SEMA7A: variants seen among roughly 807,000 people sequenced by gnomAD.
SEMA7A encodes semaphorin 7A (JohnMiltonHagen blood group).
SEMA7A carries 21 observed loss-of-function variants against 67.5 expected under a neutral mutation model. That is an observed-to-expected ratio of 0.31 (90% CI 0.22 to 0.45). The LOEUF is 0.45. Among genes scored for constraint, SEMA7A ranks in the 20% least tolerant of loss-of-function variants. The pLI is 1.00. For missense variants in SEMA7A, 774 were observed against 908.6 expected (o/e 0.85, Z 1.90); for synonymous variants, 364 against 368.5 (o/e 0.99, Z 0.14).
At chr15:74,413,396 T>A (rs1254815432) in intron 10 of SEMA7A, among the ~76,000 whole-genome samples, 1 of 152,218 alleles carries the variant, frequency 6.6e-6, no homozygotes, top group Non-Finnish European at 1.5e-5. Flanking sequence ...TCCACTGCCC[T>A]TAGAACGAAG....
Position 74,411,781 on chromosome 15 carries a change from A to G in SEMA7A, c.1423-71T>C. On this transcript the variant is annotated intron_variant, in intron 11 of 13. Coordinates refer to ENST00000261918, the MANE Select transcript of SEMA7A (RefSeq NM_003612.5). The surrounding 1 kb of genome is among the most constrained non-coding windows in gnomAD (Gnocchi z 4.4). ...CTCAGTCCTAAATGTCCAGGCCCTA[A>G]GGCCTAGAAGCTCTTAAAAGAACAC... 6.2e-7 allele frequency: 1 copy of G among 1,602,004 alleles called. No homozygotes were observed. The highest frequency in any genetic ancestry group is 1.1e-5 in the South Asian group (1 of 90,190).
At chr15:74,427,911 C>T (rs1313358277) in intron 1 of SEMA7A, among the ~76,000 whole-genome samples, 1 of 152,252 alleles carries the variant, frequency 6.6e-6, no homozygotes, top group Non-Finnish European at 1.5e-5. Context: ...TGCCTCTCCC[C>T]CAGAGGAGCC....
chr15:74,428,483 C>T (rs2061060379), intron 1 of SEMA7A, among the ~76,000 whole-genome samples: 1 of 152,228 alleles, frequency 6.6e-6, no homozygotes, highest in Admixed American at 6.5e-5. Flanking sequence ...TCTGACATTT[C>T]TTTTCTGACA....
At chr15:74,416,086 G>T in intron 7 of SEMA7A, 101 bp from the exon 8 acceptor site, 1 of 1,274,956 alleles carries the variant, frequency 7.8e-7, no homozygotes, top group Non-Finnish European at 1.1e-6. Context: ...TGGGCCCAGA[G>T]GAGGAAGGCA....
rs762713804 is a variant in SEMA7A, at chr15:74,414,535, G to T, written c.1294+12C>A. 1.5e-5 allele frequency: 25 copies of T among 1,613,274 alleles called. No individual in the cohort carries two copies. Among genetic ancestry groups the T allele is most frequent in the Admixed American group, 1.2e-4 (7 of 59,994 alleles). The stretch of plus-strand genomic sequence containing the variant: ...TACAAAGCAAACTGAGGGTCCCGGG[G>T]TAGCCTCTCACCTGTAGTTAGGTAA... On this transcript the variant is annotated intron_variant, in intron 10 of 13. Coordinates refer to ENST00000261918, the MANE Select transcript of SEMA7A (RefSeq NM_003612.5). The surrounding 1 kb of genome is among the most constrained non-coding windows in gnomAD (Gnocchi z 4.1).
chr15:74,424,450 C>T (rs781512133), intron 1 of SEMA7A, among the ~76,000 whole-genome samples: 3 of 152,222 alleles, frequency 2.0e-5, no homozygotes, highest in African/African-American at 4.8e-5. Context: ...ACATTCTCAT[C>T]TGCTTCCACT....
In SEMA7A at chr15:74,423,152, G is replaced by A. The variant is rs28362893; in HGVS notation, c.179-4200C>T. On this transcript the variant is annotated intron_variant, in intron 1 of 13. Transcript: ENST00000261918. This position sits in a 1 kb window ranked among gnomAD's most constrained non-coding sequence, Gnocchi z 4.1. ...GAGGCCCCGGGCCAAAGAGCAGAAA[G>A]CAGGCCGACCTCAGGTTGGAGAGCC... is the stretch of plus-strand genomic sequence containing the variant. Among the ~76,000 whole-genome samples, 3,944 of 152,324 alleles carry A rather than the reference G, an allele frequency of 0.026. 174 individuals carry two copies. The highest frequency in any genetic ancestry group is 0.09 in the African/African-American group (3,754 of 41,552).
chr15:74,410,652 G>A lies in SEMA7A; in HGVS notation c.1973C>T (p.Thr658Ile), dbSNP rs1386547285. ...AASLWLGVLP[T>I]LTLGLLVH is the part of the protein sequence containing the mutation. ...GTGGACCAGCAAGCCAAGAGTGAGT[G>A]TGGGCAGCACCCCCAGCCAGAGGGA... The change falls in exon 14 of 14, where the codon ACA becomes ATA. Residue 658 changes from threonine (T) to isoleucine (I), a missense_variant. By Grantham distance (89) the Thr-to-Ile change is moderately conservative. Transcript: ENST00000261918. This position sits in a 1 kb window ranked among gnomAD's most constrained non-coding sequence, Gnocchi z 7.5. 1.2e-6 allele frequency: 2 copies of A among 1,601,806 alleles called. No homozygotes were observed. Among genetic ancestry groups the A allele is most frequent in the Non-Finnish European group, 1.7e-6 (2 of 1,172,000 alleles).
At chr15:74,422,260 T>C (rs1159005250) in intron 1 of SEMA7A, among the ~76,000 whole-genome samples, 1 of 151,982 alleles carries the variant, frequency 6.6e-6, no homozygotes, top group Admixed American at 6.6e-5. Context: ...CCCCACCTCC[T>C]GGCTCCCCCT....
In SEMA7A at chr15:74,411,875, G is replaced by A; in HGVS notation, c.1422+10C>T. The A allele has an allele frequency of 6.2e-7, 1 of 1,613,590 alleles. No homozygotes were observed. Among genetic ancestry groups the A allele is most frequent in the Non-Finnish European group, 8.5e-7 (1 of 1,179,960 alleles). ...GCATAGCCCATGGGACGCAGTGGGG[G>A]AAGGCTCACCCGCTCAGCATCCAGC... On this transcript the variant is annotated intron_variant, in intron 11 of 13. Coordinates refer to ENST00000261918, the MANE Select transcript of SEMA7A (RefSeq NM_003612.5). The surrounding 1 kb of genome is among the most constrained non-coding windows in gnomAD (Gnocchi z 4.4).
chr15:74,423,909 C>A lies in SEMA7A; in HGVS notation c.179-4957G>T, dbSNP rs368140528. ...GGTCATGGTTGCAGGTGGGTCCTGG[C>A]AACTCTCAGGCAGGGTTAGGTTCTA... On this transcript the variant is annotated intron_variant, in intron 1 of 13. Transcript: ENST00000261918. This position sits in a 1 kb window ranked among gnomAD's most constrained non-coding sequence, Gnocchi z 4.1. 4.8e-4 allele frequency among the ~76,000 whole-genome samples: 73 copies of A among 152,318 alleles called. No individual in the cohort carries two copies. Among genetic ancestry groups the A allele is most frequent in the African/African-American group, 1.7e-3 (71 of 41,568 alleles).
chr15:74,417,448 G>A lies in SEMA7A; in HGVS notation c.551-3C>T, dbSNP rs774088191. 5 of 1,612,024 alleles carry A rather than the reference G, an allele frequency of 3.1e-6. No homozygotes were observed. The African/African-American group carries it at 5.3e-5, about 17-fold the overall frequency. On this transcript the variant is annotated splice_region_variant and splice_polypyrimidine_tract_variant and intron_variant, in intron 5 of 13. Transcript: ENST00000261918. ...GATGGTGGAATACACCTCGTCCCCT[G>A]GGGTCAGTGGGAGGGAGAAATGAGT... is the stretch of plus-strand genomic sequence containing the variant.
In SEMA7A at chr15:74,417,965, C is replaced by A; in HGVS notation, c.377G>T (p.Cys126Phe). ...TKGSCLDKRD[C>F]ENYITLLERR... Reference sequence around the variant, plus strand: ...CTCCAGGAGAGTGATGTAGTTCTCGCAGTCCTGCCCGGGGAAGAGAGAAGG... The same window carrying A: ...CTCCAGGAGAGTGATGTAGTTCTCGAAGTCCTGCCCGGGGAAGAGAGAAGG... Residue 126 changes from cysteine (C) to phenylalanine (F), a missense_variant, in exon 4 of 14, where the codon TGC (cysteine) becomes TTC (phenylalanine). By Grantham distance (205) the Cys-to-Phe change is radical. Coordinates refer to ENST00000261918, the MANE Select transcript of SEMA7A (RefSeq NM_003612.5). 1 of 1,612,956 alleles carries A rather than the reference C, an allele frequency of 6.2e-7. No homozygotes were observed. Among genetic ancestry groups the A allele is most frequent in the Admixed American group, 1.7e-5 (1 of 60,024 alleles).
intron 1 of SEMA7A, chr15:74,433,509 G>C: frequency 8.5e-7 from 1 of 1,170,820 alleles, no homozygotes; most frequent in Non-Finnish European, 1.1e-6. Context: ...GACTTAGCCG[G>C]GGCTCCGGCC....
chr15:74,420,309 T>A (rs960902893), intron 1 of SEMA7A, among the ~76,000 whole-genome samples: 10 of 152,192 alleles, frequency 6.6e-5, no homozygotes, highest in Non-Finnish European at 1.5e-4. Context: ...ACCTCTTCTG[T>A]GGCCTGGCGC....
At chr15:74,419,082 T>G in intron 1 of SEMA7A, 130 bp from the exon 2 acceptor site, 2 of 1,020,682 alleles carry the variant, frequency 2.0e-6, no homozygotes, top group African/African-American at 1.6e-5. Flanking sequence ...AGACAAGCTC[T>G]GGGCTGGGGT....
chr15:74,418,204 C>A, intron 3 of SEMA7A, 64 bp downstream of exon 3: 1 of 1,524,360 alleles, frequency 6.6e-7, no homozygotes, highest in Non-Finnish European at 9.1e-7. Context: ...TTCCTTAGAC[C>A]CTCAGGGTCT....
intron 4 of SEMA7A, 49 bp from the exon 5 acceptor site, chr15:74,417,724 G>A (rs750795876): frequency 6.4e-7 from 1 of 1,564,750 alleles, no homozygotes; most frequent in Non-Finnish European, 8.8e-7. Flanking sequence ...CACAGCCACT[G>A]CCTCCCATGA....
chr15:74,425,023 A>C (rs960628565), intron 1 of SEMA7A, among the ~76,000 whole-genome samples: 5 of 152,294 alleles, frequency 3.3e-5, no homozygotes, highest in African/African-American at 1.2e-4. Context: ...GACTGCTGAG[A>C]AACAGAAGGT....
Sources: allele counts gnomAD v4.1 joint callset (sites outside exome capture counted in the v4.1 genomes callset), GRCh38; gene constraint gnomAD v4.1.1; non-coding constraint Gnocchi (gnomAD v3.1); transcripts MANE v1.5; gene names NCBI Gene and HGNC (gene_info 2026-07-23, HGNC 2026-07-21).